The following DNAJC1 variants were observed in gnomAD, a reference collection of about 807,000 sequenced individuals.
The protein encoded by DNAJC1 is DnaJ heat shock protein family (Hsp40) member C1, also known as dnaJ homolog subfamily C member 1.
In DNAJC1, 58 loss-of-function variants were observed where a neutral mutation model predicts 76.6. The observed-to-expected ratio is 0.76, with a 90% confidence interval of 0.61 to 0.94. The LOEUF (loss-of-function observed/expected upper bound fraction) is 0.94. Ranked by LOEUF, DNAJC1 falls within the 40% of genes least tolerant of loss-of-function variation. DNAJC1 has a pLI of 0.00. For missense variants in DNAJC1, 689 were observed against 677.3 expected (o/e 1.02, Z -0.19); for synonymous variants, 258 against 267.9 (o/e 0.96, Z 0.36).
intron 1 of DNAJC1, among the ~76,000 whole-genome samples, chr10:21,983,979 C>T (rs1296197474): frequency 1.3e-5 from 2 of 152,240 alleles, no homozygotes; most frequent in African/African-American, 2.4e-5. Flanking sequence ...AGTTTACATA[C>T]TGTACTCACA....
intron 1 of DNAJC1, among the ~76,000 whole-genome samples, chr10:21,948,143 T>G (rs1366992201): frequency 6.7e-6 from 1 of 148,932 alleles, no homozygotes; most frequent in Non-Finnish European, 1.5e-5. Context: ...CAGGCTGGAG[T>G]ACAGTGGCAC....
intron 8 of DNAJC1, among the ~76,000 whole-genome samples, chr10:21,854,334 T>C (rs1835798359): frequency 7.2e-6 from 1 of 137,986 alleles, no homozygotes; most frequent in Non-Finnish European, 1.5e-5. Flanking sequence ...GACTATCAGA[T>C]ACAAATGTGG....
Position 21,762,767 on chromosome 10 carries a change from G to A in DNAJC1, c.1148-3149C>T, listed in dbSNP as rs189771947. 3.2e-3 allele frequency among the ~76,000 whole-genome samples: 491 copies of A among 152,110 alleles called. 4 individuals carry two copies. The highest frequency in any genetic ancestry group is 0.011 in the African/African-American group (460 of 41,476). ...TGGGACTACAGGCCTACACCATCAC[G>A]CCTGGCTGTATTTTTAACAAATGAG... On this transcript the variant is annotated intron_variant, in intron 10 of 11. Transcript: ENST00000376980.
chr10:21,838,704 T>C (rs1164054210), intron 8 of DNAJC1, among the ~76,000 whole-genome samples: 2 of 151,920 alleles, frequency 1.3e-5, no homozygotes, highest in African/African-American at 4.8e-5. Flanking sequence ...GACAGAAAGT[T>C]AACAAGGATA....
Position 21,882,448 on chromosome 10 carries a change from T to C in DNAJC1, c.821-9A>G. The stretch of plus-strand genomic sequence containing the variant: ...TTTAACTTTCTTCTGTTCTAAAAAA[T>C]GTTTAAAAGAACCAATTATTGAGAT... On this transcript the variant is annotated splice_polypyrimidine_tract_variant and intron_variant, in intron 7 of 11. Transcript: ENST00000376980. 6.8e-7 allele frequency: 1 copy of C among 1,463,058 alleles called. No homozygotes were observed. Among genetic ancestry groups the C allele is most frequent in the Non-Finnish European group, 9.1e-7 (1 of 1,096,616 alleles). The allele number at this position is 1,463,058 out of a possible 1,614,324, so 90.6% of individuals were successfully genotyped here.
chr10:21,965,443 C>A (rs1837876088), intron 1 of DNAJC1, among the ~76,000 whole-genome samples: 1 of 152,034 alleles, frequency 6.6e-6, no homozygotes, highest in Non-Finnish European at 1.5e-5. Context: ...GCATTCTAAC[C>A]AGAGTGACTC....
intron 7 of DNAJC1, among the ~76,000 whole-genome samples, chr10:21,895,034 T>C (rs1836518238): frequency 6.6e-6 from 1 of 152,216 alleles, no homozygotes; most frequent in Non-Finnish European, 1.5e-5. Context: ...CTCAGTTATT[T>C]TGTATAGCAG....
chr10:21,762,263 T>G (rs1834250275), intron 10 of DNAJC1, among the ~76,000 whole-genome samples: 1 of 152,192 alleles, frequency 6.6e-6, no homozygotes, highest in African/African-American at 2.4e-5. Context: ...TATATGTATA[T>G]TTACTTATTC....
chr10:21,989,989 T>C (rs1205832067), intron 1 of DNAJC1, among the ~76,000 whole-genome samples: 1 of 152,222 alleles, frequency 6.6e-6, no homozygotes, highest in Non-Finnish European at 1.5e-5. Flanking sequence ...TAACCACCTA[T>C]GTGCAATTCT....
chr10:21,824,407 A>G (rs573829061), intron 8 of DNAJC1, among the ~76,000 whole-genome samples: 4 of 152,252 alleles, frequency 2.6e-5, no homozygotes, highest in Non-Finnish European at 4.4e-5. Flanking sequence ...CATGCGGTGA[A>G]TAACAGAGAC....
chr10:21,777,447 A>G (rs1029882266), intron 9 of DNAJC1, among the ~76,000 whole-genome samples: 2 of 152,224 alleles, frequency 1.3e-5, no homozygotes, highest in African/African-American at 4.8e-5. Flanking sequence ...CTGTGGTTCA[A>G]ATATTCAAAA....
intron 1 of DNAJC1, among the ~76,000 whole-genome samples, chr10:21,941,046 T>G (rs2131796243): frequency 7.2e-6 from 1 of 139,120 alleles, no homozygotes; most frequent in South Asian, 2.2e-4. Flanking sequence ...GGTCAGGAGA[T>G]CGAGACCATC....
chr10:21,788,298 C>T (rs1834637531), intron 9 of DNAJC1, among the ~76,000 whole-genome samples: 1 of 152,236 alleles, frequency 6.6e-6, no homozygotes, highest in Admixed American at 6.5e-5. Context: ...CCCTGGGCTG[C>T]CTGGGCAGTC....
intron 9 of DNAJC1, among the ~76,000 whole-genome samples, chr10:21,767,994 TA>T (rs879786263): frequency 7.8e-4 from 114 of 145,806 alleles, no homozygotes; most frequent in Non-Finnish European, 1.0e-3. Flanking sequence ...GACTCCATCT[TA>T]AAAAAAAAAA....
chr10:21,912,372 T>G (rs78401350), intron 6 of DNAJC1, among the ~76,000 whole-genome samples: 7,945 of 152,196 alleles, frequency 0.052, 317 homozygotes, highest in Non-Finnish European at 0.079. Context: ...GCTTTTTATC[T>G]TTTCTACATC....
At chr10:21,966,815 A>T (rs2131824007) in intron 1 of DNAJC1, among the ~76,000 whole-genome samples, 1 of 151,394 alleles carries the variant, frequency 6.6e-6, no homozygotes, top group Non-Finnish European at 1.5e-5. Flanking sequence ...CCTCCCGAGT[A>T]GCTGGGATTA....
chr10:21,917,860 T>C lies in DNAJC1; in HGVS notation c.729+919A>G, dbSNP rs561734883. Among the ~76,000 whole-genome samples, 135 of 152,020 alleles carry C rather than the reference T, an allele frequency of 8.9e-4. No homozygotes were observed. The Middle Eastern group carries it at 0.034, about 38-fold the overall frequency. ...TTTGGTTCAATATCCCCTTTAAATA[T>C]AAAATTTTCATTATGAGAAAAATAA... On this transcript the variant is annotated intron_variant, in intron 6 of 11. Transcript: ENST00000376980.
At chr10:21,991,265 G>A (rs1443434596) in intron 1 of DNAJC1, among the ~76,000 whole-genome samples, 3 of 151,996 alleles carry the variant, frequency 2.0e-5, no homozygotes, top group African/African-American at 4.8e-5. Context: ...TATCACTAAC[G>A]ACCTAATATA....
rs944523728 is a variant in DNAJC1 at position 21,953,513 on chromosome 10, A to C, written c.223-24372T>G. 4.6e-5 allele frequency among the ~76,000 whole-genome samples: 7 copies of C among 151,966 alleles called. No individual in the cohort carries two copies. The South Asian group carries it at 6.2e-4, about 13-fold the overall frequency. On this transcript the variant is annotated intron_variant, in intron 1 of 11. Transcript: ENST00000376980. ...ATCTGAAATAAATTCACCCTTAAAT[A>C]TTATTTTGTAAAAATCCATTCTGGA...
Sources: allele counts gnomAD v4.1 joint callset (sites outside exome capture counted in the v4.1 genomes callset), GRCh38; gene constraint gnomAD v4.1.1; transcripts MANE v1.5; gene names NCBI Gene and HGNC (gene_info 2026-07-23, HGNC 2026-07-21).